The following PARP8 variants were observed in gnomAD, a reference collection of about 807,000 sequenced individuals.
PARP8 encodes the protein protein mono-ADP-ribosyltransferase PARP8.
A neutral mutation model predicts 124.1 loss-of-function variants in PARP8; 51 were observed. The ratio of observed to expected loss-of-function variants is 0.41; its 90% confidence interval spans 0.33 to 0.52. The LOEUF is 0.52. Ranked by LOEUF, PARP8 falls within the 20% of genes least tolerant of loss-of-function variation. The pLI is 0.21. For missense variants in PARP8, 860 were observed against 1,018.9 expected (o/e 0.84, Z 2.12); for synonymous variants, 391 against 361.5 (o/e 1.08, Z -0.93).
At position 50,808,165 on chromosome 5, in the gene PARP8, G is replaced by A. The variant is rs76826989; in HGVS notation, c.1576-7267G>A. ...AGTCGATAAAGATTTATTTAGCCAC[G>A]GTTGAGGATGGGAGATCCAGGGAGA... On this transcript the variant is annotated intron_variant, in intron 14 of 25. Coordinates refer to ENST00000281631, the MANE Select transcript of PARP8 (RefSeq NM_024615.4). Among the ~76,000 whole-genome samples, 839 of 151,882 alleles carry A rather than the reference G, an allele frequency of 5.5e-3. 6 individuals carry two copies. The highest frequency in any genetic ancestry group is 0.019 in the African/African-American group (786 of 41,428).
chr5:50,828,351 T>C lies in PARP8; in HGVS notation c.2130T>C (p.Asn710=), dbSNP rs1746576130. Residue 710 remains asparagine, a synonymous_variant, in exon 21 of 26, where the codon AAT becomes AAC. Coordinates refer to ENST00000281631, the MANE Select transcript of PARP8 (RefSeq NM_024615.4). ...HIENWHSILR[N]GLVVASNTRL... ...AAAACTGGCACTCCATCCTGAGGAA[T>C]GGTCTGGTTGTTGCTTCTAATACAC... 6.2e-7 allele frequency: 1 copy of C among 1,613,800 alleles called. No homozygotes were observed. The highest frequency in any genetic ancestry group is 1.1e-5 in the South Asian group (1 of 91,072).
At chr5:50,706,522 A>T (rs566717740) in intron 2 of PARP8, among the ~76,000 whole-genome samples, 8 of 152,136 alleles carry the variant, frequency 5.3e-5, no homozygotes, top group Non-Finnish European at 1.0e-4. Flanking sequence ...AATTTTAGTG[A>T]TTAAGATTTT....
chr5:50,687,978 A>C (rs1365457719), intron 2 of PARP8, among the ~76,000 whole-genome samples: 4 of 152,170 alleles, frequency 2.6e-5, no homozygotes, highest in Non-Finnish European at 5.9e-5. Context: ...CAATCTCTCA[A>C]GTAGCTGGGA....
intron 7 of PARP8, among the ~76,000 whole-genome samples, chr5:50,775,373 G>A (rs1311759110): frequency 6.6e-6 from 1 of 152,188 alleles, no homozygotes; most frequent in Non-Finnish European, 1.5e-5. Flanking sequence ...CGGCCAACAC[G>A]GTGAAACCCC....
intron 10 of PARP8, among the ~76,000 whole-genome samples, chr5:50,789,631 G>A (rs546579691): frequency 2.0e-5 from 3 of 152,148 alleles, no homozygotes; most frequent in Non-Finnish European, 4.4e-5. Flanking sequence ...ATTTAGGCAC[G>A]TACCTCAGTT....
At chr5:50,825,059 G>A (rs1746193623) in intron 18 of PARP8, 84 bp downstream of exon 18, 6 of 1,168,868 alleles carry the variant, frequency 5.1e-6, no homozygotes, top group South Asian at 3.9e-5. Flanking sequence ...ACAAACAAAA[G>A]TAAACCTGTC....
At chr5:50,840,183 G>A (rs1042814481) in intron 25 of PARP8, among the ~76,000 whole-genome samples, 3 of 151,854 alleles carry the variant, frequency 2.0e-5, no homozygotes, top group African/African-American at 4.8e-5. Context: ...TGAAGTCAAT[G>A]TTCTCTATTC....
intron 18 of PARP8, 133 bp from the exon 19 acceptor site, chr5:50,826,622 C>T (rs1746379076): frequency 9.0e-6 from 10 of 1,114,748 alleles, no homozygotes; most frequent in South Asian, 2.0e-5. Context: ...CTAAATTATG[C>T]GACTAAATGA....
intron 2 of PARP8, among the ~76,000 whole-genome samples, chr5:50,703,633 A>G (rs1753820914): frequency 6.6e-6 from 1 of 152,120 alleles, no homozygotes; most frequent in Non-Finnish European, 1.5e-5. Flanking sequence ...TGAATTTGCC[A>G]TGTGTTCTCT....
intron 2 of PARP8, among the ~76,000 whole-genome samples, chr5:50,732,861 G>T (rs1265989626): frequency 1.3e-5 from 2 of 151,786 alleles, no homozygotes. Flanking sequence ...CTCATGATCT[G>T]CCAGCCTTGG....
At chr5:50,838,445 G>A (rs191247248) in intron 25 of PARP8, among the ~76,000 whole-genome samples, 52 of 151,898 alleles carry the variant, frequency 3.4e-4, no homozygotes, top group African/African-American at 9.9e-4. Context: ...AAACATTACC[G>A]TTATTACACT....
At chr5:50,769,309 G>C (rs568752863) in intron 7 of PARP8, among the ~76,000 whole-genome samples, 1 of 150,244 alleles carries the variant, frequency 6.7e-6, no homozygotes, top group East Asian at 1.9e-4. Flanking sequence ...GCCTGTAAAC[G>C]TACCAGCGTT....
rs574086860 is a variant in PARP8, at chr5:50,799,518, T to C, written c.1575+2285T>C. On this transcript the variant is annotated intron_variant, in intron 14 of 25. Coordinates refer to ENST00000281631, the MANE Select transcript of PARP8 (RefSeq NM_024615.4). ...GAGGCAGAAATCCTTTGTTTGTGTT[T>C]TATAAGATTGCATTGACTGTTTGGG... Among the ~76,000 whole-genome samples, 11 of 152,368 alleles carry C rather than the reference T, an allele frequency of 7.2e-5. No homozygotes were observed. In the South Asian group the frequency reaches 2.3e-3, roughly 32 times the overall value.
intron 2 of PARP8, among the ~76,000 whole-genome samples, chr5:50,687,077 A>G (rs1021194663): frequency 4.6e-5 from 7 of 152,072 alleles, no homozygotes; most frequent in Non-Finnish European, 8.8e-5. Flanking sequence ...TTTCTATCAC[A>G]TTGTCAGGCA....
intron 11 of PARP8, 27 bp from the exon 12 acceptor site, chr5:50,794,826 T>TGTA (rs758801121): frequency 6.3e-7 from 1 of 1,583,782 alleles, no homozygotes; most frequent in East Asian, 2.2e-5. Context: ...TGATTTGCCC[T>TGTA]GTAGTAATTG....
At chr5:50,828,420 T>A in intron 21 of PARP8, 36 bp downstream of exon 21, 1 of 1,560,050 alleles carries the variant, frequency 6.4e-7, no homozygotes, top group East Asian at 2.2e-5. Flanking sequence ...GACTTCATTC[T>A]TCTTCAGAAT....
At chr5:50,754,146 T>TATATATATATATATATATATATAC (rs1561331500) in intron 3 of PARP8, among the ~76,000 whole-genome samples, 2 of 21,422 alleles carry the variant, frequency 9.3e-5, no homozygotes, top group Non-Finnish European at 2.2e-4. Flanking sequence ...TATATATATA[T>TATATATATATATATATATATATAC]ATATACACAC....
chr5:50,751,385 C>A (rs1187819338), intron 3 of PARP8, among the ~76,000 whole-genome samples: 1 of 152,096 alleles, frequency 6.6e-6, no homozygotes, highest in African/African-American at 2.4e-5. Flanking sequence ...AGCAAGTTTG[C>A]AATGAATTTT....
intron 16 of PARP8, among the ~76,000 whole-genome samples, chr5:50,821,864 G>A (rs1745798571): frequency 6.6e-6 from 1 of 152,172 alleles, no homozygotes; most frequent in Non-Finnish European, 1.5e-5. Context: ...CACATATTTA[G>A]ATCTTGCTTG....
Sources: gnomAD v4.1 joint callset for allele counts (sites outside exome capture counted in the v4.1 genomes callset) on GRCh38, gnomAD v4.1.1 for gene constraint, MANE v1.5 for transcripts, NCBI Gene and HGNC (gene_info 2026-07-23, HGNC 2026-07-21) for gene names.